Variants in INPP4A observed in about 807,000 individuals in gnomAD.
INPP4A encodes the protein inositol polyphosphate-4-phosphatase, type I, 107kD.
Under a neutral mutation model 119.8 loss-of-function variants are expected in INPP4A, and 33 were observed. That is an observed-to-expected ratio of 0.28 (90% CI 0.21 to 0.37). INPP4A has a LOEUF of 0.37. Ranked by LOEUF, INPP4A falls within the 10% of genes least tolerant of loss-of-function variation. The pLI, the probability that INPP4A is intolerant of heterozygous loss-of-function variation, is 1.00. For missense variants in INPP4A, 956 were observed against 1,289.9 expected, an observed-to-expected ratio of 0.74 and a Z score of 3.97; for synonymous variants, 496 against 500.7, an observed-to-expected ratio of 0.99 and a Z score of 0.12.
At chr2:98,449,778 A>G (rs1009611241) in intron 1 of INPP4A, among the ~76,000 whole-genome samples, 5 of 152,162 alleles carry the variant, frequency 3.3e-5, no homozygotes, top group African/African-American at 1.2e-4. Context: ...TTAAATTTGT[A>G]CTCCTTCCAT....
At chr2:98,519,849 G>T in intron 2 of INPP4A, 97 bp from the exon 3 acceptor site, 2 of 568,556 alleles carry the variant, frequency 3.5e-6, no homozygotes, top group Admixed American at 2.9e-5. Flanking sequence ...CCCTGTCACT[G>T]TACCTCGCCC....
chr2:98,473,632 C>T (rs1397285221), intron 1 of INPP4A, among the ~76,000 whole-genome samples: 1 of 152,116 alleles, frequency 6.6e-6, no homozygotes, highest in African/African-American at 2.4e-5. Context: ...GGAGGTGCCA[C>T]TCAGTGAGTG....
At position 98,520,750 on chromosome 2, in the gene INPP4A, T is replaced by G; in HGVS notation, c.151+19T>G. ...AGCTTAGGTAGGTATCTTTCATTAT[T>G]TTTTTGTTTTAAAAAATATTTTACT... On this transcript the variant is annotated intron_variant, in intron 4 of 24. Transcript: ENST00000409851. 1 of 1,375,672 alleles carries G rather than the reference T, an allele frequency of 7.3e-7. No homozygotes were observed. The highest frequency in any genetic ancestry group is 1.0e-6 in the Non-Finnish European group (1 of 999,860). 85.2% of individuals were successfully genotyped at this position (1,375,672 alleles called of 1,614,324 possible). A position where few individuals can be genotyped will look rare whatever the true frequency, so the allele number is the denominator to read the frequency against.
At chr2:98,584,601 TGTGGGCTTGGCCC>T (rs1699742088) in intron 24 of INPP4A, among the ~76,000 whole-genome samples, 1 of 152,256 alleles carries the variant, frequency 6.6e-6, no homozygotes, top group Non-Finnish European at 1.5e-5. Flanking sequence ...TTTCTGCCCA[TGTGGGCTTGGCCC>T]GTGGGCTGAG....
intron 23 of INPP4A, among the ~76,000 whole-genome samples, chr2:98,576,383 C>T (rs947615361): frequency 8.5e-5 from 13 of 152,184 alleles, no homozygotes; most frequent in Non-Finnish European, 1.6e-4. Flanking sequence ...AGTGTGCTGG[C>T]AGTAACTCTG....
At chr2:98,568,788 C>A in intron 22 of INPP4A, 120 bp downstream of exon 22, 1 of 658,374 alleles carries the variant, frequency 1.5e-6, no homozygotes, top group Admixed American at 2.3e-5. Context: ...GTGCACTGTT[C>A]CCTTTCTCCC....
intron 1 of INPP4A, among the ~76,000 whole-genome samples, chr2:98,478,202 C>G (rs1677650837): frequency 6.6e-6 from 1 of 152,150 alleles, no homozygotes; most frequent in Non-Finnish European, 1.5e-5. Flanking sequence ...TTTTCTTTCT[C>G]AGCCACACTG....
chr2:98,555,715 T>G lies in INPP4A; in HGVS notation c.1729T>G (p.Trp577Gly). The G allele has an allele frequency of 6.2e-7, 1 of 1,611,998 alleles. No homozygotes were observed. Among genetic ancestry groups the G allele is most frequent in the Non-Finnish European group, 8.5e-7 (1 of 1,178,860 alleles). The change falls in exon 16 of 25, where the codon TGG (tryptophan) becomes GGG (glycine). Residue 577 changes from tryptophan (W) to glycine (G), a missense_variant. Transcript: ENST00000409851. ...KKGNPDSHAY[W>G]IRPEDPFCDV... ...AGGTAACCCGGACAGCCACGCCTAC[T>G]GGATCAGACCAGAAGACCCCTTCTG... is the stretch of plus-strand genomic sequence containing the variant.
At chr2:98,579,765 C>G (rs1446334484) in intron 24 of INPP4A, among the ~76,000 whole-genome samples, 1 of 152,242 alleles carries the variant, frequency 6.6e-6, no homozygotes, top group Non-Finnish European at 1.5e-5. Flanking sequence ...AAACCCCACC[C>G]CTGCCTCCAA....
intron 1 of INPP4A, among the ~76,000 whole-genome samples, chr2:98,469,499 CAA>C (rs768218588): frequency 1.9e-4 from 20 of 106,076 alleles, no homozygotes; most frequent in Non-Finnish European, 2.2e-4. Flanking sequence ...GACTCCGTCT[CAA>C]AAAAAAAAAA....
Position 98,565,685 on chromosome 2 carries a change from A to T in INPP4A, c.2198A>T (p.Asp733Val). 6.2e-7 allele frequency: 1 copy of T among 1,613,338 alleles called. No individual in the cohort carries two copies. The highest frequency in any genetic ancestry group is 8.5e-7 in the Non-Finnish European group (1 of 1,179,470). ...GAGGACATGAGCCTTGGGATCATGGACTTGAGGAACGTGACCTTCAAAGTC... is the reference window on the plus strand; with the variant it reads ...GAGGACATGAGCCTTGGGATCATGGTCTTGAGGAACGTGACCTTCAAAGTC... ...MLEDMSLGIMDLRNVTFKVTQ... is the reference protein window; with the variant it reads ...MLEDMSLGIMVLRNVTFKVTQ... Residue 733 changes from aspartate (D) to valine (V), a missense_variant, in exon 20 of 25, where the codon GAC becomes GTC. Around this residue, in one of 2 missense-constraint regions of INPP4A, gnomAD observed 304 missense variants for 492.1 expected, o/e 0.62. Transcript: ENST00000409851.
chr2:98,483,312 T>G (rs986056184), intron 1 of INPP4A, among the ~76,000 whole-genome samples: 1 of 152,224 alleles, frequency 6.6e-6, no homozygotes, highest in African/African-American at 2.4e-5. Context: ...CAGTCAGTCC[T>G]ACTAGTTTTC....
At position 98,570,815 on chromosome 2, in the gene INPP4A, G is replaced by A. The variant is rs867681335; in HGVS notation, c.2519-2000G>A. On this transcript the variant is annotated intron_variant, in intron 22 of 24. Transcript: ENST00000409851. This position sits in a 1 kb window ranked among gnomAD's most constrained non-coding sequence, Gnocchi z 4.3. Reference sequence around the variant, plus strand: ...AGCCTCAGTCTCCCCAGTAAAACAGGTGTTCTTGTCCTGCTCAACATGAGA... The same window carrying A: ...AGCCTCAGTCTCCCCAGTAAAACAGATGTTCTTGTCCTGCTCAACATGAGA... Among the ~76,000 whole-genome samples, 5 of 152,154 alleles carry A rather than the reference G, an allele frequency of 3.3e-5. No individual in the cohort carries two copies. Among genetic ancestry groups the A allele is most frequent in the African/African-American group, 1.2e-4 (5 of 41,406 alleles).
chr2:98,537,787 C>T (rs936825463), intron 7 of INPP4A, 76 bp from the exon 8 acceptor site: 22 of 1,137,316 alleles, frequency 1.9e-5, no homozygotes, highest in Admixed American at 1.2e-4. Flanking sequence ...TGACCCAGTA[C>T]GGCTAGGGCT....
chr2:98,519,822 C>T (rs796128576), intron 2 of INPP4A, 124 bp from the exon 3 acceptor site: 72 of 537,958 alleles, frequency 1.3e-4, no homozygotes, highest in African/African-American at 1.3e-3. Context: ...CACCCCGGTT[C>T]CTCACATGCT....
chr2:98,478,339 G>A (rs1317781646), intron 1 of INPP4A, among the ~76,000 whole-genome samples: 1 of 152,128 alleles, frequency 6.6e-6, no homozygotes, highest in Non-Finnish European at 1.5e-5. Context: ...CTGTCGCTTG[G>A]GACCAGGACT....
At chr2:98,495,139 G>A (rs542234998) in intron 1 of INPP4A, among the ~76,000 whole-genome samples, 3 of 152,100 alleles carry the variant, frequency 2.0e-5, no homozygotes, top group African/African-American at 7.3e-5. Flanking sequence ...CAGTGTCTTA[G>A]CTAAGATGTC....
chr2:98,531,451 A>G (rs1689196022), intron 4 of INPP4A, among the ~76,000 whole-genome samples: 1 of 152,208 alleles, frequency 6.6e-6, no homozygotes, highest in East Asian at 1.9e-4. Flanking sequence ...TATCTTTAAG[A>G]AGGAACACAG....
chr2:98,452,300 CAGT>C (rs1695368341), intron 1 of INPP4A, among the ~76,000 whole-genome samples: 1 of 152,144 alleles, frequency 6.6e-6, no homozygotes, highest in Non-Finnish European at 1.5e-5. Flanking sequence ...GTCCTCAGAC[CAGT>C]AGCATCAGCA....
Sources: gnomAD v4.1 joint callset for allele counts (sites outside exome capture counted in the v4.1 genomes callset) on GRCh38, gnomAD v4.1.1 for gene constraint, gnomAD v4.1.1 regional missense constraint, Gnocchi (gnomAD v3.1) non-coding constraint, MANE v1.5 for transcripts, NCBI Gene and HGNC (gene_info 2026-07-23, HGNC 2026-07-21) for gene names.